KAT6B: variants seen among roughly 807,000 people sequenced by gnomAD.
The protein encoded by KAT6B is lysine acetyltransferase 6B.
KAT6B carries 10 observed loss-of-function variants against 187.5 expected under a neutral mutation model. The ratio of observed to expected loss-of-function variants is 0.05; its 90% confidence interval spans 0.03 to 0.09. The LOEUF (loss-of-function observed/expected upper bound fraction) is 0.09, where lower values mean the gene tolerates loss of function less well. Among genes scored for constraint, KAT6B ranks in the 10% least tolerant of loss-of-function variants. The pLI, the probability that KAT6B is intolerant of heterozygous loss-of-function variation, is 1.00. For missense variants in KAT6B, 1,952 were observed against 2,558.9 expected (o/e 0.76, Z 5.12); for synonymous variants, 861 against 926.8 (o/e 0.93, Z 1.29).
At chr10:74,864,458 C>T (rs1418039088) in intron 3 of KAT6B, among the ~76,000 whole-genome samples, 1 of 152,040 alleles carries the variant, frequency 6.6e-6, no homozygotes, top group Non-Finnish European at 1.5e-5. Context: ...CCAGGCTGGT[C>T]TCGAACTCCT....
At chr10:74,859,907 A>G (rs1272810505) in intron 3 of KAT6B, among the ~76,000 whole-genome samples, 6 of 152,232 alleles carry the variant, frequency 3.9e-5, no homozygotes, top group African/African-American at 1.4e-4. Context: ...AAATCTTGCT[A>G]GTGTATGAAC....
chr10:74,866,601 A>G (rs2132348157), intron 3 of KAT6B, among the ~76,000 whole-genome samples: 1 of 152,246 alleles, frequency 6.6e-6, no homozygotes, highest in Middle Eastern at 3.4e-3. Flanking sequence ...AAAAAAAAGG[A>G]GTCTATATCA....
At chr10:74,828,562 CTTTTTTT>C (rs1160950109) in intron 1 of KAT6B, among the ~76,000 whole-genome samples, 5 of 94,820 alleles carry the variant, frequency 5.3e-5, no homozygotes, top group African/African-American at 1.7e-4. Flanking sequence ...CTCATAAGTT[CTTTTTTT>C]TTTTTTTTTT....
chr10:74,979,882 G>T (rs1842399548), intron 10 of KAT6B, among the ~76,000 whole-genome samples: 1 of 152,216 alleles, frequency 6.6e-6, no homozygotes. Context: ...GAGAAGGCCA[G>T]GCCCGGTGAC....
intron 3 of KAT6B, among the ~76,000 whole-genome samples, chr10:74,948,850 G>A (rs1035836517): frequency 6.6e-6 from 1 of 152,198 alleles, no homozygotes; most frequent in Non-Finnish European, 1.5e-5. Flanking sequence ...ACCAATGGCA[G>A]TACTTGCATT....
Position 74,976,339 on chromosome 10 carries a change from A to G in KAT6B, c.1993+9A>G. 3.1e-6 allele frequency: 5 copies of G among 1,610,324 alleles called. No individual in the cohort carries two copies. In the South Asian group the frequency reaches 3.3e-5, roughly 11 times the overall value. On this transcript the variant is annotated intron_variant, in intron 8 of 17. Transcript: ENST00000287239. ...ACCTGATCAGGATGATGGTAAGCAA[A>G]AGGTCAAAGCTCCAACCAAACCTGC... is the stretch of plus-strand genomic sequence containing the variant.
chr10:74,913,604 C>A (rs773829416), intron 3 of KAT6B, among the ~76,000 whole-genome samples: 1 of 152,214 alleles, frequency 6.6e-6, no homozygotes, highest in Admixed American at 6.5e-5. Context: ...GGATTGAATT[C>A]AACTTGAATC....
intron 3 of KAT6B, among the ~76,000 whole-genome samples, chr10:74,884,088 C>T (rs1359694308): frequency 1.3e-5 from 2 of 152,168 alleles, no homozygotes; most frequent in African/African-American, 4.8e-5. Context: ...TTTATTCCAA[C>T]ATATATACTC....
chr10:74,976,264 A>T lies in KAT6B; in HGVS notation c.1927A>T (p.Met643Leu), dbSNP rs778899637. 4.3e-5 allele frequency: 70 copies of T among 1,614,014 alleles called. No homozygotes were observed. The highest frequency in any genetic ancestry group is 1.6e-4 in the Middle Eastern group (1 of 6,084). ...GRLKYKVTPQ[M>L]GTPSPGKGSL... ...ATTAAAATATAAAGTGACCCCTCAG[A>T]TGGGGACCCCCTCACCAGGGAAGGG... Residue 643 changes from methionine (M) to leucine (L), a missense_variant, in exon 8 of 18, where the codon ATG becomes TTG. Physicochemically the swap from Met to Leu is conservative, Grantham distance 15 (BLOSUM62 2). Around this residue, in one of 9 missense-constraint regions of KAT6B, gnomAD observed 417 missense variants for 508.9 expected, o/e 0.82. Coordinates refer to ENST00000287239, the MANE Select transcript of KAT6B (RefSeq NM_012330.4).
intron 3 of KAT6B, among the ~76,000 whole-genome samples, chr10:74,926,524 T>C (rs1848515282): frequency 6.6e-6 from 1 of 152,244 alleles, no homozygotes; most frequent in Non-Finnish European, 1.5e-5. Context: ...TGCAGATCAC[T>C]TATTTTATGT....
chr10:74,980,889 C>T (rs1842468372), intron 10 of KAT6B, among the ~76,000 whole-genome samples: 1 of 152,174 alleles, frequency 6.6e-6, no homozygotes, highest in African/African-American at 2.4e-5. Flanking sequence ...TGCATTTAGA[C>T]CATATATAAA....
At chr10:75,010,499 C>T (rs1844518674) in intron 13 of KAT6B, among the ~76,000 whole-genome samples, 1 of 152,184 alleles carries the variant, frequency 6.6e-6, no homozygotes, top group African/African-American at 2.4e-5. Flanking sequence ...TGTGAAAGCT[C>T]ATCATCCAGA....
At chr10:74,986,828 T>G (rs1218522452) in intron 12 of KAT6B, among the ~76,000 whole-genome samples, 3 of 152,218 alleles carry the variant, frequency 2.0e-5, no homozygotes, top group Non-Finnish European at 2.9e-5. Flanking sequence ...GGTGTTTCTT[T>G]CATTGTCTGT....
chr10:74,863,982 A>G (rs373965379), intron 3 of KAT6B, among the ~76,000 whole-genome samples: 3 of 152,256 alleles, frequency 2.0e-5, no homozygotes, highest in East Asian at 3.9e-4. Context: ...CTCAATATAC[A>G]CTACTTTTAT....
intron 3 of KAT6B, among the ~76,000 whole-genome samples, chr10:74,949,616 A>G (rs1481264884): frequency 1.3e-5 from 2 of 152,220 alleles, no homozygotes; most frequent in African/African-American, 4.8e-5. Context: ...GAGCATTTCA[A>G]TTAAGTCCAC....
At chr10:74,939,411 T>C (rs771659913) in intron 3 of KAT6B, among the ~76,000 whole-genome samples, 4 of 152,104 alleles carry the variant, frequency 2.6e-5, no homozygotes, top group Admixed American at 6.5e-5. Context: ...TGTTGTTGTT[T>C]ATTTGTTTTT....
At chr10:74,946,773 G>A (rs1225611643) in intron 3 of KAT6B, among the ~76,000 whole-genome samples, 1 of 152,082 alleles carries the variant, frequency 6.6e-6, no homozygotes, top group African/African-American at 2.4e-5. Flanking sequence ...GAACTTTCTG[G>A]GTTATGGAGT....
intron 3 of KAT6B, among the ~76,000 whole-genome samples, chr10:74,949,966 C>T (rs552613014): frequency 1.5e-4 from 23 of 152,118 alleles, no homozygotes; most frequent in Non-Finnish European, 2.9e-4. Flanking sequence ...CATACATTAA[C>T]AATAATAAAT....
At chr10:74,904,860 A>G (rs545707706) in intron 3 of KAT6B, among the ~76,000 whole-genome samples, 2 of 152,234 alleles carry the variant, frequency 1.3e-5, no homozygotes, top group South Asian at 4.1e-4. Flanking sequence ...TCTTCATCTT[A>G]GTTTCAGAAG....
Sources: gnomAD v4.1 joint callset for allele counts (sites outside exome capture counted in the v4.1 genomes callset) on GRCh38, gnomAD v4.1.1 for gene constraint, gnomAD v4.1.1 regional missense constraint, MANE v1.5 for transcripts, NCBI Gene and HGNC (gene_info 2026-07-23, HGNC 2026-07-21) for gene names.